The following ASB4 variants were observed in gnomAD, a reference collection of about 807,000 sequenced individuals.
ASB4 encodes the protein ankyrin repeat and SOCS box protein 4.
A neutral mutation model predicts 38.6 loss-of-function variants in ASB4; 35 were observed. That is an observed-to-expected ratio of 0.91 (90% CI 0.69 to 1.20). The LOEUF (loss-of-function observed/expected upper bound fraction) is 1.20. Ranked by LOEUF, ASB4 falls within the 50% of genes most tolerant of loss-of-function variation. The pLI is 0.00. For missense variants in ASB4, 557 were observed against 527.2 expected, an observed-to-expected ratio of 1.06 and a Z score of -0.55; for synonymous variants, 195 against 201.3, an observed-to-expected ratio of 0.97 and a Z score of 0.26.
intron 2 of ASB4, among the ~76,000 whole-genome samples, chr7:95,523,410 A>C (rs1206125765): frequency 1.3e-5 from 2 of 152,236 alleles, no homozygotes; most frequent in African/African-American, 4.8e-5. Flanking sequence ...GAGACAATGA[A>C]CTAAATTTGG....
chr7:95,524,849 G>T (rs1275149963), intron 2 of ASB4, among the ~76,000 whole-genome samples: 1 of 152,208 alleles, frequency 6.6e-6, no homozygotes, highest in African/African-American at 2.4e-5. Flanking sequence ...GGAAGTTCCT[G>T]CCGTTTGCAG....
At chr7:95,520,180 C>G (rs1410207168) in intron 2 of ASB4, among the ~76,000 whole-genome samples, 5 of 152,260 alleles carry the variant, frequency 3.3e-5, no homozygotes, top group Non-Finnish European at 7.4e-5. Flanking sequence ...GAAAGTGTCC[C>G]CCCAACAGGG....
chr7:95,528,572 C>G, intron 3 of ASB4: 8 of 1,396,596 alleles, frequency 5.7e-6, no homozygotes, highest in Non-Finnish European at 6.5e-6. Flanking sequence ...GCACTGGTGG[C>G]TTCCTGAGGG....
chr7:95,482,023 C>T (rs1441299358), upstream of ASB4, among the ~76,000 whole-genome samples: 2 of 152,150 alleles, frequency 1.3e-5, no homozygotes, highest in Non-Finnish European at 2.9e-5. Flanking sequence ...AGGCAGGTCT[C>T]ACACCTGCTA....
At chr7:95,527,730 G>A (rs1176425207) in intron 2 of ASB4, 83 bp from the exon 3 acceptor site, 11 of 1,295,148 alleles carry the variant, frequency 8.5e-6, no homozygotes, top group African/African-American at 3.0e-5. Flanking sequence ...AAGAGAAGCA[G>A]TGAGAAAAGT....
chr7:95,483,077 C>G (rs572362760), upstream of ASB4, among the ~76,000 whole-genome samples: 6 of 152,302 alleles, frequency 3.9e-5, no homozygotes, highest in South Asian at 1.2e-3. Flanking sequence ...CGTTTGAGAA[C>G]ATCAAAACTG....
At chr7:95,520,530 A>G (rs1790646003) in intron 2 of ASB4, among the ~76,000 whole-genome samples, 1 of 152,124 alleles carries the variant, frequency 6.6e-6, no homozygotes, top group Non-Finnish European at 1.5e-5. Context: ...AATACAGAGT[A>G]TTGCCCATTC....
intron 2 of ASB4, among the ~76,000 whole-genome samples, chr7:95,497,258 A>T (rs912834449): frequency 5.3e-5 from 8 of 152,246 alleles, no homozygotes; most frequent in African/African-American, 1.9e-4. Flanking sequence ...GGAAGCAGGG[A>T]GACCAGTAGG....
At chr7:95,473,351 A>G in the ASB4 span, among the ~76,000 whole-genome samples, 2 of 152,210 alleles carry the variant, frequency 1.3e-5, no homozygotes, top group Non-Finnish European at 2.9e-5. Context: ...TATTATTATT[A>G]TCTCCATTTT....
At chr7:95,483,167 C>A (rs887005352), upstream of ASB4, among the ~76,000 whole-genome samples, 2 of 152,162 alleles carry the variant, frequency 1.3e-5, no homozygotes, top group African/African-American at 4.8e-5. Context: ...ACGGAGATAT[C>A]AGGGAGGGTC....
rs2301681 is a variant in ASB4 at position 95,495,658 on chromosome 7, T to C, written c.188-100T>C. Reference sequence around the variant, plus strand: ...CCCCTCTCCACCCCACTTTTATAAATGTGGCCAAAATAAAATACTTGTAAA... The same window carrying C: ...CCCCTCTCCACCCCACTTTTATAAACGTGGCCAAAATAAAATACTTGTAAA... On this transcript the variant is annotated intron_variant, in intron 1 of 4. Transcript: ENST00000325885. 6.1e-4 allele frequency: 758 copies of C among 1,239,414 alleles called. 17 individuals carry two copies. In the East Asian group the frequency reaches 0.018, roughly 30 times the overall value. 76.8% of individuals were successfully genotyped at this position (1,239,414 alleles called of 1,614,324 possible).
At chr7:95,516,315 T>C (rs1790582820) in intron 2 of ASB4, among the ~76,000 whole-genome samples, 1 of 152,136 alleles carries the variant, frequency 6.6e-6, no homozygotes, top group East Asian at 1.9e-4. Flanking sequence ...TTATCTATGG[T>C]TACTTTGCAA....
chr7:95,514,677 T>G (rs1790530525), intron 2 of ASB4, among the ~76,000 whole-genome samples: 1 of 152,266 alleles, frequency 6.6e-6, no homozygotes, highest in Admixed American at 6.5e-5. Context: ...CATTTCTCAG[T>G]GATGAAGATG....
At chr7:95,515,239 CTTTCTTTCTTTCCT>C (rs1790552754) in intron 2 of ASB4, among the ~76,000 whole-genome samples, 2 of 116,098 alleles carry the variant, frequency 1.7e-5, no homozygotes, top group African/African-American at 6.4e-5. Context: ...CTTTTTCTTT[CTTTCTTTCTTTCCT>C]TCTTTCTTTC....
At chr7:95,482,755 G>A (rs976474308), upstream of ASB4, among the ~76,000 whole-genome samples, 1 of 152,152 alleles carries the variant, frequency 6.6e-6, no homozygotes, top group Non-Finnish European at 1.5e-5. Context: ...TTGTAGCTAG[G>A]AAGGCTAGAA....
At chr7:95,517,095 G>A (rs1433848860) in intron 2 of ASB4, among the ~76,000 whole-genome samples, 2 of 152,202 alleles carry the variant, frequency 1.3e-5, no homozygotes, top group African/African-American at 2.4e-5. Flanking sequence ...TTGTAGAAAT[G>A]TCTGTTTATA....
chr7:95,542,068 A>T (rs1442487125), downstream of ASB4: 1 of 144,360 alleles, frequency 6.9e-6, no homozygotes, highest in African/African-American at 2.6e-5. Flanking sequence ...CCTTGACTGT[A>T]AAAAAACAAA....
At chr7:95,499,063 T>C (rs549087769) in intron 2 of ASB4, among the ~76,000 whole-genome samples, 1 of 152,342 alleles carries the variant, frequency 6.6e-6, no homozygotes, top group East Asian at 1.9e-4. Context: ...TTGTATCAAG[T>C]CTTGAAATCA....
At chr7:95,513,940 G>A (rs780674281) in intron 2 of ASB4, among the ~76,000 whole-genome samples, 2 of 152,094 alleles carry the variant, frequency 1.3e-5, no homozygotes, top group Non-Finnish European at 2.9e-5. Flanking sequence ...GAAGGATTTC[G>A]ATGCTGGCAT....
Sources: gnomAD v4.1 joint callset for allele counts (sites outside exome capture counted in the v4.1 genomes callset) on GRCh38, gnomAD v4.1.1 for gene constraint, MANE v1.5 for transcripts, NCBI Gene and HGNC (gene_info 2026-07-23, HGNC 2026-07-21) for gene names.